Variants in MPP4 observed in about 807,000 individuals in gnomAD.
MPP4 encodes the protein MAGUK p55 scaffold protein 4.
A neutral mutation model predicts 98.3 loss-of-function variants in MPP4; 91 were observed. The ratio of observed to expected loss-of-function variants is 0.93; its 90% CI spans 0.78 to 1.10. The LOEUF (loss-of-function observed/expected upper bound fraction) is 1.10, where lower values mean the gene tolerates loss of function less well. MPP4 is among the 50% of genes least tolerant of loss of function. MPP4 has a pLI of 0.00. For synonymous variants in MPP4, 261 were observed against 271.8 expected (o/e 0.96, Z 0.39); for missense variants, 744 against 792.9 (o/e 0.94, Z 0.74).
chr2:201,688,696 C>G (rs1202983628), intron 4 of MPP4, among the ~76,000 whole-genome samples: 1 of 150,898 alleles, frequency 6.6e-6, no homozygotes, highest in Admixed American at 6.6e-5. Context: ...TCACTGCAAC[C>G]TCTACTTCCT....
chr2:201,680,685 G>C (rs139071440), intron 10 of MPP4, 153 bp downstream of exon 10: 7 of 642,778 alleles, frequency 1.1e-5, no homozygotes, highest in African/African-American at 9.1e-5. Flanking sequence ...AGGGTTTATC[G>C]ATAAGTTGAC....
intron 7 of MPP4, 44 bp downstream of exon 7, chr2:201,685,020 T>A: frequency 6.7e-7 from 1 of 1,503,392 alleles, no homozygotes; most frequent in Non-Finnish European, 9.2e-7. Flanking sequence ...GTCAAGGGTT[T>A]CCTGTTTTTC....
At chr2:201,690,602 G>A (rs1296911388) in intron 3 of MPP4, among the ~76,000 whole-genome samples, 1 of 152,162 alleles carries the variant, frequency 6.6e-6, no homozygotes, top group Non-Finnish European at 1.5e-5. Flanking sequence ...TGAAACCAAT[G>A]GGGATTTGTA....
chr2:201,689,764 G>A (rs1688952029), intron 4 of MPP4, among the ~76,000 whole-genome samples: 1 of 152,126 alleles, frequency 6.6e-6, no homozygotes, highest in Admixed American at 6.5e-5. Flanking sequence ...GTGATCGGCA[G>A]GTGGGGAAGA....
intron 13 of MPP4, chr2:201,665,634 T>G (rs955978430): frequency 6.6e-6 from 1 of 152,256 alleles, no homozygotes; most frequent in African/African-American, 2.4e-5. Context: ...GTCAGCAGTA[T>G]TCTGCTGTTG....
At chr2:201,646,769 T>G (rs947905319) in intron 21 of MPP4, 13 of 152,222 alleles carry the variant, frequency 8.5e-5, no homozygotes, top group Non-Finnish European at 1.2e-4. Flanking sequence ...GAGATTAGCA[T>G]GGCCCTTGTA....
intron 5 of MPP4, among the ~76,000 whole-genome samples, chr2:201,686,463 G>C (rs1048422304): frequency 5.9e-5 from 9 of 152,162 alleles, no homozygotes. Context: ...TATCTTGCTG[G>C]TTTAATTTGT....
At chr2:201,662,941 C>A (rs1049934837) in intron 14 of MPP4, among the ~76,000 whole-genome samples, 2 of 152,098 alleles carry the variant, frequency 1.3e-5, no homozygotes, top group African/African-American at 4.8e-5. Context: ...ATGATGTCAA[C>A]ATTATTTTGA....
rs367743197 is a variant in MPP4, at chr2:201,687,365, C to T, written c.286G>A (p.Glu96Lys). 6 of 1,574,968 alleles carry T rather than the reference C, an allele frequency of 3.8e-6. No individual in the cohort carries two copies. In the South Asian group the frequency reaches 7.0e-5, roughly 18 times the overall value. The change falls in exon 5 of 22, where the codon GAG (glutamate) becomes AAG (lysine). Residue 96 changes from glutamate to lysine, a missense_variant. Glu to Lys is a moderately conservative substitution (Grantham distance 56). Transcript: ENST00000409474. ...HAQVLSYEVVELLRETPTSPE... is the reference protein window; with the variant it reads ...HAQVLSYEVVKLLRETPTSPE... ...GAAGTAGGGGTTTCACGTAATAACTCCACTACCTGGTTCATGGAAAAGGAT... is the reference window on the plus strand; with the variant it reads ...GAAGTAGGGGTTTCACGTAATAACTTCACTACCTGGTTCATGGAAAAGGAT...
intron 16 of MPP4, among the ~76,000 whole-genome samples, chr2:201,658,142 T>C (rs1293546451): frequency 3.9e-5 from 6 of 152,142 alleles, no homozygotes; most frequent in African/African-American, 1.4e-4. Context: ...AGGTGACAGA[T>C]GATAGAAATG....
At chr2:201,666,238 GC>G in intron 13 of MPP4, 95 bp downstream of exon 13, 1 of 984,958 alleles carries the variant, frequency 1.0e-6, no homozygotes, top group Non-Finnish European at 1.5e-6. Flanking sequence ...TAGAGGAAAG[GC>G]CCATGGCCCC....
chr2:201,646,161 T>A (rs1288420311), intron 21 of MPP4, among the ~76,000 whole-genome samples: 2 of 152,198 alleles, frequency 1.3e-5, no homozygotes, highest in East Asian at 1.9e-4. Flanking sequence ...CTTATCTTAC[T>A]CTTACCTAAA....
intron 6 of MPP4, among the ~76,000 whole-genome samples, 174 bp downstream of exon 6, chr2:201,685,745 G>A (rs769246185): frequency 6.6e-5 from 10 of 152,190 alleles, no homozygotes; most frequent in Non-Finnish European, 1.0e-4. Context: ...AGAAAACACC[G>A]TGACATGTAA....
chr2:201,647,578 T>G, intron 21 of MPP4, 113 bp downstream of exon 21: 2 of 1,155,788 alleles, frequency 1.7e-6, no homozygotes, highest in Admixed American at 2.3e-5. Context: ...GGAGAGGGGG[T>G]CAAAAAGGAG....
In MPP4 at chr2:201,654,908, C is replaced by G. The variant is rs760552079; in HGVS notation, c.1310G>C (p.Gly437Ala). Residue 437 changes from glycine to alanine, a missense_variant, in exon 18 of 22, where the codon GGT becomes GCT. Physicochemically the swap from Gly to Ala is moderately conservative, Grantham distance 60. Transcript: ENST00000409474. ...TCTTCTGAGCTCATTTACTCCAACA[C>G]CAGAGGGTCCTAAACACAAAAAGTC... ...YRLIVLMGPS[G>A]VGVNELRRQL... 1 of 1,600,820 alleles carries G rather than the reference C, an allele frequency of 6.2e-7. No individual in the cohort carries two copies. Among genetic ancestry groups the G allele is most frequent in the Admixed American group, 1.7e-5 (1 of 58,160 alleles).
chr2:201,692,720 C>T (rs981763630), intron 3 of MPP4, among the ~76,000 whole-genome samples, 188 bp downstream of exon 3: 1 of 152,104 alleles, frequency 6.6e-6, no homozygotes, highest in Admixed American at 6.6e-5. Flanking sequence ...AGAGGGAGCC[C>T]TCAAAAGACA....
At chr2:201,648,302 C>T (rs1413650597) in intron 20 of MPP4, among the ~76,000 whole-genome samples, 1 of 152,178 alleles carries the variant, frequency 6.6e-6, no homozygotes, top group Non-Finnish European at 1.5e-5. Flanking sequence ...TAGGCATGAG[C>T]CACTGCACCT....
chr2:201,686,037 G>C lies in MPP4; in HGVS notation c.374C>G (p.Ala125Gly), dbSNP rs754348655. 9.9e-6 allele frequency: 16 copies of C among 1,611,902 alleles called. No homozygotes were observed. Among genetic ancestry groups the C allele is most frequent in the Non-Finnish European group, 1.4e-5 (16 of 1,178,200 alleles). ...QAPHFKALLS[A>G]HDTIAQKDFE... The stretch of plus-strand genomic sequence containing the variant: ...ATCTTTCTGAGCTATCGTGTCATGG[G>C]CACTGAGCAAGGCCTGGGCACAGGG... The change falls in exon 6 of 22, where the codon GCC becomes GGC. Residue 125 changes from alanine (A) to glycine (G), a missense_variant. Transcript: ENST00000409474.
At chr2:201,666,491 C>G (rs1481807303) in intron 12 of MPP4, 119 bp from the exon 13 acceptor site, 2 of 678,626 alleles carry the variant, frequency 2.9e-6, no homozygotes, top group Non-Finnish European at 4.7e-6. Context: ...GAGGCCGAGG[C>G]GGGCGGATCA....
Sources: gnomAD v4.1 joint callset for allele counts (sites outside exome capture counted in the v4.1 genomes callset) on GRCh38, gnomAD v4.1.1 for gene constraint, MANE v1.5 for transcripts, NCBI Gene and HGNC (gene_info 2026-07-23, HGNC 2026-07-21) for gene names.